The following HRH1 variants were observed in gnomAD, a reference collection of about 807,000 sequenced individuals.
HRH1 encodes histamine H1 receptor.
In HRH1, 6 loss-of-function variants were observed where a neutral mutation model predicts 10.3. The observed-to-expected ratio is 0.58, with a 90% CI of 0.32 to 1.15. HRH1 has a LOEUF of 1.15. HRH1 is among the 50% of genes most tolerant of loss of function. The probability of loss-of-function intolerance (pLI) is 0.05; values close to 1 mark genes in which losing one functional copy is unlikely to be tolerated. For synonymous variants in HRH1, 242 were observed against 236.7 expected (o/e 1.02, Z -0.21); for missense variants, 514 against 615.3 (o/e 0.84, Z 1.74).
intron 1 of HRH1, among the ~76,000 whole-genome samples, chr3:11,144,827 C>T (rs932186309): frequency 4.6e-5 from 7 of 151,922 alleles, no homozygotes; most frequent in African/African-American, 9.7e-5. Flanking sequence ...GCCGAGATCA[C>T]GCCACTGCAC....
intron 1 of HRH1, among the ~76,000 whole-genome samples, chr3:11,215,516 C>G (rs12636567): frequency 6.6e-6 from 1 of 152,212 alleles, no homozygotes; most frequent in Non-Finnish European, 1.5e-5. Flanking sequence ...TCTCAGCTCA[C>G]TGCAAGCTCT....
intron 1 of HRH1, among the ~76,000 whole-genome samples, chr3:11,192,329 C>G (rs563568208): frequency 1.6e-4 from 23 of 142,422 alleles, no homozygotes; most frequent in African/African-American, 5.4e-4. Flanking sequence ...TGGCTTTTGC[C>G]CACTTTTATG....
intron 1 of HRH1, among the ~76,000 whole-genome samples, chr3:11,220,849 A>G (rs2125039751): frequency 6.6e-6 from 1 of 152,280 alleles, no homozygotes; most frequent in East Asian, 1.9e-4. Context: ...TCATGATTTT[A>G]TGATTGTTCT....
intron 1 of HRH1, among the ~76,000 whole-genome samples, chr3:11,177,253 T>TAAATAAATAAA (rs1553569987): frequency 5.4e-5 from 8 of 149,438 alleles, no homozygotes; most frequent in African/African-American, 2.0e-4. Context: ...AATAAATAAA[T>TAAATAAATAAA]TAAATAAATA....
chr3:11,229,481 G>A (rs1362367563), intron 1 of HRH1, among the ~76,000 whole-genome samples: 1 of 152,162 alleles, frequency 6.6e-6, no homozygotes, highest in African/African-American at 2.4e-5. Context: ...ACCACATCTT[G>A]GGTGTTACCT....
At chr3:11,154,423 C>T (rs1288409357), upstream of HRH1, 1 of 138,568 alleles carries the variant, frequency 7.2e-6, no homozygotes, top group East Asian at 2.3e-4. This position sits in a 1 kb window ranked among gnomAD's most constrained non-coding sequence, Gnocchi z 4.4. Flanking sequence ...GGGTGGGCCC[C>T]TCGGAGCGGC....
chr3:11,214,066 C>T (rs186906063), intron 1 of HRH1, among the ~76,000 whole-genome samples: 1 of 151,998 alleles, frequency 6.6e-6, no homozygotes, highest in East Asian at 1.9e-4. Flanking sequence ...GAAGATGGAA[C>T]AGCGCGAACA....
intron 1 of HRH1, among the ~76,000 whole-genome samples, chr3:11,195,296 T>C (rs1937620532): frequency 6.6e-6 from 1 of 152,218 alleles, no homozygotes; most frequent in African/African-American, 2.4e-5. Flanking sequence ...AAAGATTCAG[T>C]TTCCTCTTAG....
At chr3:11,248,364 G>A (rs1189902431) in intron 1 of HRH1, among the ~76,000 whole-genome samples, 1 of 152,066 alleles carries the variant, frequency 6.6e-6, no homozygotes, top group Non-Finnish European at 1.5e-5. Flanking sequence ...TTGATTTTGG[G>A]CTTTGAATTC....
chr3:11,213,366 T>A (rs1410863154), intron 1 of HRH1, among the ~76,000 whole-genome samples: 1 of 152,206 alleles, frequency 6.6e-6, no homozygotes, highest in Non-Finnish European at 1.5e-5. Flanking sequence ...CTCCTTAGCA[T>A]CTCTGAGCCT....
At chr3:11,165,443 C>A (rs1259636163) in intron 1 of HRH1, among the ~76,000 whole-genome samples, 1 of 152,116 alleles carries the variant, frequency 6.6e-6, no homozygotes, top group Non-Finnish European at 1.5e-5. Context: ...ATTAAGTGCT[C>A]CCCAATACCC....
chr3:11,155,769 A>C (rs189293600), intron 1 of HRH1, among the ~76,000 whole-genome samples: 24 of 152,078 alleles, frequency 1.6e-4, no homozygotes, highest in African/African-American at 5.1e-4. Flanking sequence ...AGGAGAGGGG[A>C]ATTGAGGGTC....
rs1249780691 is a variant in HRH1 at position 11,255,687 on chromosome 3, G to A, written c.-35-3316G>A. Among the ~76,000 whole-genome samples the A allele has an allele frequency of 2.0e-5, 3 of 152,206 alleles. No homozygotes were observed. In the East Asian group the frequency reaches 5.8e-4, roughly 29 times the overall value. On this transcript the variant is annotated intron_variant, in intron 1 of 1. Coordinates refer to ENST00000431010, the MANE Select transcript of HRH1 (RefSeq NM_001098212.2). ...ATGAACATTCCTTAGGTCTGGGAAA[G>A]GCAGGACAACTGGAAGCCGGGAGGA...
chr3:11,198,068 A>G (rs1937739078), intron 1 of HRH1, among the ~76,000 whole-genome samples: 1 of 152,020 alleles, frequency 6.6e-6, no homozygotes, highest in South Asian at 2.1e-4. Flanking sequence ...ACTCGCCAGT[A>G]CCCTCAGTCA....
At chr3:11,158,157 A>G (rs1432858131) in intron 1 of HRH1, among the ~76,000 whole-genome samples, 1 of 152,218 alleles carries the variant, frequency 6.6e-6, no homozygotes, top group Non-Finnish European at 1.5e-5. Context: ...GTCTGAATGA[A>G]GAAATGTTAT....
At chr3:11,157,375 C>G (rs1012194654) in intron 1 of HRH1, among the ~76,000 whole-genome samples, 1 of 152,202 alleles carries the variant, frequency 6.6e-6, no homozygotes, top group African/African-American at 2.4e-5. Context: ...CGGGAATTAG[C>G]TATAATTGCT....
intron 1 of HRH1, among the ~76,000 whole-genome samples, chr3:11,178,310 A>G (rs561347172): frequency 6.6e-6 from 1 of 152,264 alleles, no homozygotes; most frequent in East Asian, 1.9e-4. Flanking sequence ...AGATTAGCCT[A>G]TGGATGATCC....
chr3:11,231,513 CTTTTA>C (rs1254949192), intron 1 of HRH1, among the ~76,000 whole-genome samples: 1 of 152,160 alleles, frequency 6.6e-6, no homozygotes, highest in East Asian at 1.9e-4. Context: ...TTGCCACTGT[CTTTTA>C]TTTTAGCCAT....
At chr3:11,172,878 AT>A (rs35813781) in intron 1 of HRH1, among the ~76,000 whole-genome samples, 3,264 of 151,592 alleles carry the variant, frequency 0.022, 47 homozygotes, top group Non-Finnish European at 0.034. Context: ...ATTTTTTTGT[AT>A]TTTTAGTAGA....
Sources: gnomAD v4.1 joint callset for allele counts (sites outside exome capture counted in the v4.1 genomes callset) on GRCh38, gnomAD v4.1.1 for gene constraint, Gnocchi (gnomAD v3.1) non-coding constraint, MANE v1.5 for transcripts, NCBI Gene and HGNC (gene_info 2026-07-23, HGNC 2026-07-21) for gene names.